MTRF1L: variants seen among roughly 807,000 people sequenced by gnomAD.
MTRF1L encodes the protein mitochondrial translation release factor 1 like, also known as peptide chain release factor 1-like, mitochondrial.
A neutral mutation model predicts 40.0 loss-of-function variants in MTRF1L; 29 were observed. That is an observed-to-expected ratio of 0.73 (90% CI 0.54 to 0.99). The LOEUF is 0.99. Ranked by LOEUF, MTRF1L falls within the 50% of genes least tolerant of loss-of-function variation. MTRF1L has a pLI of 0.00. For missense variants in MTRF1L, 412 were observed against 464.5 expected, an observed-to-expected ratio of 0.89 and a Z score of 1.04; for synonymous variants, 150 against 175.8, an observed-to-expected ratio of 0.85 and a Z score of 1.16.
At chr6:152,999,431 C>T (rs1157984955) in intron 1 of MTRF1L, among the ~76,000 whole-genome samples, 1 of 152,094 alleles carries the variant, frequency 6.6e-6, no homozygotes, top group African/African-American at 2.4e-5. Flanking sequence ...TAAGACCTGC[C>T]CTCAAGAGAG....
intron 5 of MTRF1L, among the ~76,000 whole-genome samples, chr6:152,991,626 A>T (rs1015045499): frequency 6.6e-6 from 1 of 152,178 alleles, no homozygotes; most frequent in African/African-American, 2.4e-5. Flanking sequence ...GGCTCACTGC[A>T]AGCTCCGCCT....
Position 153,002,691 on chromosome 6 carries a change from G to T in MTRF1L, c.-6C>A, listed in dbSNP as rs1778981716. Reference sequence around the variant, plus strand: ...CACAGAACCCGGGACCGCATCCTTAGTCCGAGATCGCGGACCCTGACCGGA... The same window carrying T: ...CACAGAACCCGGGACCGCATCCTTATTCCGAGATCGCGGACCCTGACCGGA... On this transcript the variant is annotated 5_prime_UTR_variant, in exon 1 of 7. Coordinates refer to ENST00000367233, the MANE Select transcript of MTRF1L (RefSeq NM_019041.7). The T allele has an allele frequency of 6.8e-7, 1 of 1,475,148 alleles. No homozygotes were observed. Among genetic ancestry groups the T allele is most frequent in the Admixed American group, 2.8e-5 (1 of 36,026 alleles). The allele number at this position is 1,475,148 out of a possible 1,614,324, so 91.4% of individuals were successfully genotyped here.
intron 5 of MTRF1L, among the ~76,000 whole-genome samples, chr6:152,992,022 G>GC (rs150057527): frequency 0.15 from 23,340 of 152,064 alleles, 2,276 homozygotes; most frequent in Non-Finnish European, 0.22. Context: ...ACTTTTTTAG[G>GC]CTATCCATTT....
At chr6:152,991,517 G>C (rs1167433713) in intron 5 of MTRF1L, 196 bp from the exon 6 acceptor site, 2 of 521,376 alleles carry the variant, frequency 3.8e-6, no homozygotes, top group South Asian at 5.7e-5. Flanking sequence ...TAAGTTTTGA[G>C]CAATAGCACA....
intron 6 of MTRF1L, 43 bp downstream of exon 6, chr6:152,991,142 A>C: frequency 2.3e-6 from 3 of 1,310,946 alleles, no homozygotes; most frequent in Non-Finnish European, 3.1e-6. Flanking sequence ...TTATATAAAA[A>C]TATTTCTATC....
chr6:152,994,686 A>G lies in MTRF1L; in HGVS notation c.524-10T>C, dbSNP rs372646723. ...GCATGTCTAAGGCCACCTTGAAAAT[A>G]CAGGGAAATAGAATTATTTTTATTA... On this transcript the variant is annotated splice_polypyrimidine_tract_variant and intron_variant, in intron 3 of 6. Transcript: ENST00000367233. The G allele has an allele frequency of 2.0e-4, 324 of 1,613,944 alleles. No homozygotes were observed. The highest frequency in any genetic ancestry group is 2.7e-4 in the Admixed American group (16 of 60,006).
chr6:152,996,789 C>T lies in MTRF1L; in HGVS notation c.340-1470G>A, dbSNP rs552743205. On this transcript the variant is annotated intron_variant, in intron 2 of 6. Transcript: ENST00000367233. ...CAATTCTTAAAATCGTGAGGGCTTA[C>T]TCTAGGTCTGGTATTCCAAATAGTG... Among the ~76,000 whole-genome samples, 8 of 152,260 alleles carry T rather than the reference C, an allele frequency of 5.3e-5. No individual in the cohort carries two copies. The South Asian group carries it at 1.7e-3, about 32-fold the overall frequency.
chr6:152,998,279 A>G (rs1778787652), intron 2 of MTRF1L: 1 of 205,460 alleles, frequency 4.9e-6, no homozygotes, highest in Non-Finnish European at 9.7e-6. Context: ...TGATGAAAAC[A>G]GGACCATGTG....
At chr6:152,993,379 G>T (rs1472278900) in intron 4 of MTRF1L, among the ~76,000 whole-genome samples, 2 of 150,378 alleles carry the variant, frequency 1.3e-5, no homozygotes, top group Admixed American at 6.6e-5. Flanking sequence ...TGTGGGAAGG[G>T]TCTGTTTTGT....
chr6:152,991,586 G>A (rs1014824475), intron 5 of MTRF1L, among the ~76,000 whole-genome samples: 1 of 151,972 alleles, frequency 6.6e-6, no homozygotes. Flanking sequence ...TCGCTCTGTC[G>A]CCCAGGCTGG....
At chr6:152,995,636 G>A (rs1485229278) in intron 2 of MTRF1L, among the ~76,000 whole-genome samples, 1 of 152,098 alleles carries the variant, frequency 6.6e-6, no homozygotes, top group African/African-American at 2.4e-5. Context: ...TACTTGCTCT[G>A]ATTCGGAGAT....
chr6:152,999,833 G>T (rs1778849038), intron 1 of MTRF1L, among the ~76,000 whole-genome samples: 1 of 152,138 alleles, frequency 6.6e-6, no homozygotes, highest in South Asian at 2.1e-4. Context: ...CCTGTCTTGG[G>T]TATGTCTTTA....
rs575077173 is a variant in MTRF1L at position 153,002,061 on chromosome 6, G to C, written c.259+366C>G. The stretch of plus-strand genomic sequence containing the variant: ...GTCTGAGATTCTGAGTCCTAAGTCT[G>C]CTATTAACAAGCACTGCCCTGATAC... On this transcript the variant is annotated intron_variant, in intron 1 of 6. Transcript: ENST00000367233. 1.5e-3 allele frequency among the ~76,000 whole-genome samples: 223 copies of C among 152,286 alleles called. 5 individuals carry two copies. Among genetic ancestry groups the C allele is most frequent in the Non-Finnish European group, 6.3e-4 (43 of 68,016 alleles).
At chr6:152,992,719 A>C in intron 5 of MTRF1L, 138 bp downstream of exon 5, 1 of 654,046 alleles carries the variant, frequency 1.5e-6, no homozygotes, top group Non-Finnish European at 2.6e-6. Context: ...AAGGATTCTA[A>C]GTAAATCAAA....
intron 5 of MTRF1L, among the ~76,000 whole-genome samples, chr6:152,992,455 T>C (rs1227010893): frequency 1.3e-5 from 2 of 152,182 alleles, no homozygotes; most frequent in African/African-American, 2.4e-5. Flanking sequence ...AATGCTTTCA[T>C]ATCATTTTTT....
intron 2 of MTRF1L, among the ~76,000 whole-genome samples, chr6:152,995,749 A>T (rs952626588): frequency 6.6e-6 from 1 of 152,214 alleles, no homozygotes; most frequent in Admixed American, 6.5e-5. Flanking sequence ...CATTTGTATT[A>T]TTTTAAGATT....
rs1327349669 is a variant in MTRF1L, at chr6:152,995,124, T to C, written c.523+12A>G. On this transcript the variant is annotated intron_variant, in intron 3 of 6. Coordinates refer to ENST00000367233, the MANE Select transcript of MTRF1L (RefSeq NM_019041.7). ...AACACTTTACCTGAAACAAAATGAA[T>C]AGTTTACTGACCTAGTTCACTTGGA... 1.9e-6 allele frequency: 3 copies of C among 1,588,082 alleles called. No individual in the cohort carries two copies. Among genetic ancestry groups the C allele is most frequent in the South Asian group, 1.2e-5 (1 of 86,640 alleles).
intron 1 of MTRF1L, among the ~76,000 whole-genome samples, chr6:153,000,894 G>C (rs1347258901): frequency 1.8e-5 from 2 of 113,086 alleles, no homozygotes; most frequent in Non-Finnish European, 3.5e-5. Context: ...TTTTTTTTGA[G>C]GCAGGGTCTT....
intron 6 of MTRF1L, chr6:152,990,359 A>C (rs1328126908): frequency 4.3e-6 from 2 of 461,222 alleles, no homozygotes; most frequent in Non-Finnish European, 7.7e-6. Flanking sequence ...CGATCTGCAA[A>C]ATACAGTGTC....
Sources: gnomAD v4.1 joint callset for allele counts (sites outside exome capture counted in the v4.1 genomes callset) on GRCh38, gnomAD v4.1.1 for gene constraint, MANE v1.5 for transcripts, NCBI Gene and HGNC (gene_info 2026-07-23, HGNC 2026-07-21) for gene names.